CNTN3: variants seen among roughly 807,000 people sequenced by gnomAD.
CNTN3 encodes the protein contactin 3.
Under a neutral mutation model 119.1 loss-of-function variants are expected in CNTN3, and 60 were observed. The ratio of observed to expected loss-of-function variants is 0.50; its 90% confidence interval spans 0.41 to 0.62. The LOEUF is 0.62. Among genes scored for constraint, CNTN3 ranks in the 20% least tolerant of loss-of-function variants. The pLI, the probability that CNTN3 is intolerant of heterozygous loss-of-function variation, is 0.00. For synonymous variants in CNTN3, 450 were observed against 438.7 expected (o/e 1.03, Z -0.32); for missense variants, 1,101 against 1,242.4 (o/e 0.89, Z 1.71).
chr3:74,501,241 G>A (rs1011228423), intron 2 of CNTN3, among the ~76,000 whole-genome samples: 3 of 151,892 alleles, frequency 2.0e-5, no homozygotes, highest in African/African-American at 7.3e-5. Flanking sequence ...TTTGGGTCAC[G>A]TGGTATCAAA....
chr3:74,405,259 C>T (rs1705296236), intron 5 of CNTN3, among the ~76,000 whole-genome samples: 2 of 152,014 alleles, frequency 1.3e-5, no homozygotes, highest in Non-Finnish European at 2.9e-5. Flanking sequence ...CATCGATAAT[C>T]TACTCTTTCT....
intron 5 of CNTN3, among the ~76,000 whole-genome samples, chr3:74,399,579 T>C (rs1705140450): frequency 6.6e-6 from 1 of 152,164 alleles, no homozygotes; most frequent in African/African-American, 2.4e-5. Flanking sequence ...GTCTTTGCTA[T>C]TGTGAATAGT....
At chr3:74,387,720 C>T (rs1704786339) in intron 5 of CNTN3, among the ~76,000 whole-genome samples, 1 of 152,212 alleles carries the variant, frequency 6.6e-6, no homozygotes, top group Non-Finnish European at 1.5e-5. Context: ...ATCTCATCAC[C>T]TCCCTATGGG....
intron 1 of CNTN3, among the ~76,000 whole-genome samples, chr3:74,530,130 T>G (rs1456839565): frequency 6.6e-6 from 1 of 151,952 alleles, no homozygotes; most frequent in Non-Finnish European, 1.5e-5. Context: ...TAAAATAAAT[T>G]CATGTCTTCA....
intron 5 of CNTN3, among the ~76,000 whole-genome samples, chr3:74,404,667 C>A (rs1705279613): frequency 6.6e-6 from 1 of 151,956 alleles, no homozygotes; most frequent in African/African-American, 2.4e-5. Flanking sequence ...TATGACATTG[C>A]TTAAGTCAAA....
At chr3:74,433,802 T>C (rs986836949) in intron 4 of CNTN3, among the ~76,000 whole-genome samples, 9 of 152,232 alleles carry the variant, frequency 5.9e-5, no homozygotes, top group African/African-American at 2.2e-4. Context: ...CAAACCAGCT[T>C]TGGCCACATC....
chr3:74,534,598 A>G (rs1703736997), intron 1 of CNTN3, among the ~76,000 whole-genome samples: 1 of 152,062 alleles, frequency 6.6e-6, no homozygotes, highest in Admixed American at 6.6e-5. Context: ...ATAGAACAGA[A>G]ACTATTCAGA....
intron 1 of CNTN3, among the ~76,000 whole-genome samples, chr3:74,533,799 T>A (rs1194479368): frequency 1.3e-5 from 2 of 152,024 alleles, no homozygotes; most frequent in East Asian, 3.9e-4. Flanking sequence ...GTGCAGAGAT[T>A]CTCCATTGAG....
At chr3:74,301,949 C>T (rs1702468331) in intron 14 of CNTN3, 144 bp from the exon 15 acceptor site, 1 of 776,710 alleles carries the variant, frequency 1.3e-6, no homozygotes, top group East Asian at 2.6e-5. Flanking sequence ...AGGCCATTTA[C>T]CTGGTAATAG....
chr3:74,593,146 T>C (rs948588356), intron 1 of CNTN3, among the ~76,000 whole-genome samples: 8 of 152,002 alleles, frequency 5.3e-5, no homozygotes, highest in Non-Finnish European at 4.4e-5. Flanking sequence ...GCAAATTTGT[T>C]TTCACTTTAG....
intron 4 of CNTN3, among the ~76,000 whole-genome samples, chr3:74,444,383 T>C (rs1167695679): frequency 1.3e-5 from 2 of 152,122 alleles, no homozygotes; most frequent in Non-Finnish European, 2.9e-5. Flanking sequence ...AAGGGGTGCT[T>C]ACTAATAAAG....
chr3:74,450,150 T>A (rs981454102), intron 4 of CNTN3, among the ~76,000 whole-genome samples: 1 of 152,154 alleles, frequency 6.6e-6, no homozygotes, highest in Non-Finnish European at 1.5e-5. Flanking sequence ...ATGGTAGCTA[T>A]ATTTCTTTAG....
chr3:74,459,457 G>A (rs978174744), intron 4 of CNTN3, among the ~76,000 whole-genome samples: 6 of 151,944 alleles, frequency 3.9e-5, no homozygotes, highest in Admixed American at 6.6e-5. Flanking sequence ...CTTAATTTAT[G>A]CCCAATGGCT....
At chr3:74,388,364 A>T (rs1001587428) in intron 5 of CNTN3, among the ~76,000 whole-genome samples, 2 of 152,194 alleles carry the variant, frequency 1.3e-5, no homozygotes, top group Non-Finnish European at 2.9e-5. Context: ...ATACACTCAA[A>T]CTGAGTGGCT....
intron 1 of CNTN3, among the ~76,000 whole-genome samples, chr3:74,529,056 A>G (rs1400054237): frequency 1.3e-5 from 2 of 151,950 alleles, no homozygotes; most frequent in Non-Finnish European, 2.9e-5. Flanking sequence ...TATACAGCAC[A>G]TATATTTATA....
At chr3:74,367,734 G>C (rs1704233752) in intron 8 of CNTN3, among the ~76,000 whole-genome samples, 1 of 152,046 alleles carries the variant, frequency 6.6e-6, no homozygotes, top group Non-Finnish European at 1.5e-5. Context: ...TGACAATTTA[G>C]CTTTGGATTT....
chr3:74,364,352 T>C (rs1704141338), intron 10 of CNTN3, 115 bp downstream of exon 10: 3 of 962,344 alleles, frequency 3.1e-6, no homozygotes, highest in Non-Finnish European at 4.6e-6. Flanking sequence ...GTTGTAATAC[T>C]GTAGATATTA....
chr3:74,497,292 G>A (rs1403519342), intron 3 of CNTN3, among the ~76,000 whole-genome samples: 1 of 151,850 alleles, frequency 6.6e-6, no homozygotes, highest in African/African-American at 2.4e-5. Context: ...AGAATAATGT[G>A]AAATATTGCC....
At chr3:74,585,688 A>C (rs1341234555) in intron 1 of CNTN3, among the ~76,000 whole-genome samples, 1 of 152,186 alleles carries the variant, frequency 6.6e-6, no homozygotes, top group Non-Finnish European at 1.5e-5. Context: ...TGTAAAATTA[A>C]ATTCAAGACA....
Sources: allele counts gnomAD v4.1 joint callset (sites outside exome capture counted in the v4.1 genomes callset), GRCh38; gene constraint gnomAD v4.1.1; transcripts MANE v1.5; gene names NCBI Gene and HGNC (gene_info 2026-07-23, HGNC 2026-07-21).